Variants in CORIN observed in about 807,000 individuals in gnomAD.
CORIN encodes corin, serine peptidase.
In CORIN, 117 loss-of-function variants were observed where a neutral mutation model predicts 125.3. That is an observed-to-expected ratio of 0.93 (90% CI 0.80 to 1.09). CORIN has a LOEUF of 1.09. CORIN is among the 50% of genes least tolerant of loss of function. CORIN has a pLI of 0.00. For missense variants in CORIN, 1,253 were observed against 1,306.7 expected (o/e 0.96, Z 0.63); for synonymous variants, 450 against 466.4 (o/e 0.96, Z 0.45).
At chr4:47,601,842 A>G (rs1002446193) in intron 20 of CORIN, among the ~76,000 whole-genome samples, 7 of 152,184 alleles carry the variant, frequency 4.6e-5, no homozygotes, top group Admixed American at 1.3e-4. Flanking sequence ...TCTGTAATTG[A>G]TGAAATAGAA....
At position 47,837,886 on chromosome 4, in the gene CORIN, C is replaced by A; in HGVS notation, c.63+1G>T. On this transcript the variant is annotated splice_donor_variant, in intron 1 of 21. Transcript: ENST00000273857. LOFTEE classifies it high-confidence loss of function. ...GTAGGACAGCGAATCATCGATCTTA[C>A]CGGCTTTGGGGACCCGGCTCTGCGG... 1 of 1,613,580 alleles carries A rather than the reference C, an allele frequency of 6.2e-7. No homozygotes were observed.
In CORIN at chr4:47,594,665, C is replaced by T. The variant is rs1356304121; in HGVS notation, c.*1056G>A. The T allele has an allele frequency of 2.0e-5, 3 of 152,068 alleles. No homozygotes were observed. Among genetic ancestry groups the T allele is most frequent in the African/African-American group, 4.8e-5 (2 of 41,498 alleles). The allele number at this position is 152,068 out of a possible 1,614,324, so 9.4% of individuals were successfully genotyped here. ...TTATGACTTTGTTGGTATGGATGAACGCAAGAAAACTGAAAAATAAATTTA... is the reference window on the plus strand; with the variant it reads ...TTATGACTTTGTTGGTATGGATGAATGCAAGAAAACTGAAAAATAAATTTA... On this transcript the variant is annotated 3_prime_UTR_variant, in exon 22 of 22. Coordinates refer to ENST00000273857, the MANE Select transcript of CORIN (RefSeq NM_006587.4).
chr4:47,744,447 C>T lies in CORIN; in HGVS notation c.754G>A (p.Val252Ile). Residue 252 changes from valine to isoleucine, a missense_variant, in exon 5 of 22, where the codon GTC (valine) becomes ATC (isoleucine). Val to Ile is a conservative substitution (Grantham distance 29). Transcript: ENST00000273857. ...TGAGGTGAGAAGCAAATTCTGCTGA[C>T]ATTGCTGCTTTCAGTTTGGTTTCTA... ...QFRNQTESSN[V>I]SRICFSPQQE... is the part of the protein sequence containing the mutation. 1.9e-6 allele frequency: 3 copies of T among 1,614,080 alleles called. No individual in the cohort carries two copies. Among genetic ancestry groups the T allele is most frequent in the Non-Finnish European group, 2.5e-6 (3 of 1,179,992 alleles).
At chr4:47,659,583 T>C (rs997115501) in intron 12 of CORIN, among the ~76,000 whole-genome samples, 2 of 152,054 alleles carry the variant, frequency 1.3e-5, no homozygotes, top group Non-Finnish European at 2.9e-5. Flanking sequence ...GGGGAAGAGA[T>C]GCTACAGCAC....
chr4:47,829,393 G>A (rs1355207672), intron 1 of CORIN, among the ~76,000 whole-genome samples: 1 of 152,084 alleles, frequency 6.6e-6, no homozygotes, highest in Non-Finnish European at 1.5e-5. Context: ...GGACCTTCTG[G>A]ACCTTGGCCT....
intron 10 of CORIN, 67 bp from the exon 11 acceptor site, chr4:47,665,330 AC>A: frequency 5.1e-6 from 6 of 1,183,046 alleles, no homozygotes; most frequent in Non-Finnish European, 7.3e-6. Context: ...TTTAAGTTTT[AC>A]AAACTTGAAG....
At chr4:47,717,300 T>C (rs998635801) in intron 5 of CORIN, among the ~76,000 whole-genome samples, 1 of 152,180 alleles carries the variant, frequency 6.6e-6, no homozygotes, top group African/African-American at 2.4e-5. Flanking sequence ...CACCCACAGC[T>C]TTGACCAGGT....
rs780623218 is a variant in CORIN at position 47,595,781 on chromosome 4, C to A, written c.3069G>T (p.Val1023=). The change falls in exon 22 of 22, where the codon GTG becomes GTT. Residue 1023 remains valine (V), a synonymous_variant. Transcript: ENST00000273857. ...TTTTAATCCATTCGACGAAATATGA[C>A]ACATTACTATAAACGCCAGGCCCCA... ...KVLGPGVYSN[V]SYFVEWIKRQ... 6.2e-7 allele frequency: 1 copy of A among 1,613,280 alleles called. No individual in the cohort carries two copies. The highest frequency in any genetic ancestry group is 8.5e-7 in the Non-Finnish European group (1 of 1,179,720).
chr4:47,715,585 C>G (rs910316913), intron 5 of CORIN, among the ~76,000 whole-genome samples: 1 of 151,798 alleles, frequency 6.6e-6, no homozygotes, highest in Admixed American at 6.6e-5. Flanking sequence ...GGTGAAAGAG[C>G]AAGACTCTGT....
intron 1 of CORIN, among the ~76,000 whole-genome samples, chr4:47,809,065 C>T (rs925902937): frequency 7.2e-5 from 11 of 152,108 alleles, no homozygotes; most frequent in Non-Finnish European, 8.8e-5. Context: ...GAGAGAGCAA[C>T]CCTGAATCAG....
At position 47,594,879 on chromosome 4, in the gene CORIN, G is replaced by A. The variant is rs1721192399; in HGVS notation, c.*842C>T. 1 of 152,084 alleles carries A rather than the reference G, an allele frequency of 6.6e-6. No homozygotes were observed. Among genetic ancestry groups the A allele is most frequent in the Non-Finnish European group, 1.5e-5 (1 of 68,004 alleles). The allele number at this position is 152,084 out of a possible 1,614,324, so 9.4% of individuals were successfully genotyped here. ...TATCCTGAACAAACCCAGCTATGAG[G>A]ACAGTTCTATAGAGACTCTTCTATA... On this transcript the variant is annotated 3_prime_UTR_variant, in exon 22 of 22. Transcript: ENST00000273857.
At chr4:47,798,579 C>T (rs2109937362) in intron 2 of CORIN, among the ~76,000 whole-genome samples, 1 of 152,242 alleles carries the variant, frequency 6.6e-6, no homozygotes, top group East Asian at 1.9e-4. Context: ...CAACAACAAA[C>T]ATCTCAGTTA....
chr4:47,821,421 AT>A (rs1193828391), intron 1 of CORIN, among the ~76,000 whole-genome samples: 3 of 150,934 alleles, frequency 2.0e-5, no homozygotes, highest in Non-Finnish European at 4.4e-5. Context: ...TAATCAAATA[AT>A]TTACCTTCCC....
chr4:47,768,512 G>A lies in CORIN; in HGVS notation c.410-4926C>T, dbSNP rs137954818. ...TGCCCTGATACCAAAGCCAGACAAG[G>A]ACACTACAAGAGAAGAAAATTACAC... On this transcript the variant is annotated intron_variant, in intron 3 of 21. Coordinates refer to ENST00000273857, the MANE Select transcript of CORIN (RefSeq NM_006587.4). Among the ~76,000 whole-genome samples, 221 of 152,194 alleles carry A rather than the reference G, an allele frequency of 1.5e-3. 1 individual carries two copies. Among genetic ancestry groups the A allele is most frequent in the African/African-American group, 5.2e-3 (214 of 41,538 alleles).
At chr4:47,617,954 TCCAACTGATGTTGAAAG>T (rs61109326) in intron 19 of CORIN, among the ~76,000 whole-genome samples, 40,683 of 151,798 alleles carry the variant, frequency 0.27, 5,574 homozygotes, top group Admixed American at 0.35. Flanking sequence ...ATATTAAGGG[TCCAACTGATGTTGAAAG>T]TCAGGCATGG....
intron 3 of CORIN, among the ~76,000 whole-genome samples, chr4:47,779,733 G>T (rs957055485): frequency 1.3e-5 from 2 of 152,218 alleles, no homozygotes; most frequent in East Asian, 3.9e-4. Context: ...ACCGTGCCTG[G>T]CCAGCTGTAT....
chr4:47,773,961 T>A (rs952751845), intron 3 of CORIN, among the ~76,000 whole-genome samples: 2 of 151,940 alleles, frequency 1.3e-5, no homozygotes, highest in Non-Finnish European at 2.9e-5. Context: ...ATAAGATTGA[T>A]CTATAATTTT....
At chr4:47,685,168 A>G (rs1002369369) in intron 6 of CORIN, among the ~76,000 whole-genome samples, 3 of 152,194 alleles carry the variant, frequency 2.0e-5, no homozygotes, top group Non-Finnish European at 4.4e-5. Context: ...CACTCTTAGG[A>G]ATCTACCCAA....
intron 12 of CORIN, among the ~76,000 whole-genome samples, chr4:47,658,949 G>C (rs1724120049): frequency 6.6e-6 from 1 of 152,176 alleles, no homozygotes; most frequent in African/African-American, 2.4e-5. Context: ...GTTAGACGCA[G>C]CCAGGCTATC....
Sources: gnomAD v4.1 joint callset for allele counts (sites outside exome capture counted in the v4.1 genomes callset) on GRCh38, gnomAD v4.1.1 for gene constraint, MANE v1.5 for transcripts, NCBI Gene and HGNC (gene_info 2026-07-23, HGNC 2026-07-21) for gene names.